The following TMEFF2 variants were observed in gnomAD, a reference collection of about 807,000 sequenced individuals.
The protein encoded by TMEFF2 is transmembrane protein with EGF like and two follistatin like domains 2, also known as tomoregulin-2.
Under a neutral mutation model 53.8 loss-of-function variants are expected in TMEFF2, and 28 were observed. The ratio of observed to expected loss-of-function variants is 0.52; its 90% CI spans 0.39 to 0.71. The LOEUF is 0.71. TMEFF2 is among the 30% of genes least tolerant of loss of function. TMEFF2 has a pLI of 0.00. For synonymous variants in TMEFF2, 162 were observed against 166.3 expected, an observed-to-expected ratio of 0.97 and a Z score of 0.20; for missense variants, 353 against 455.2, an observed-to-expected ratio of 0.78 and a Z score of 2.04.
chr2:192,023,487 A>C (rs1270422363), intron 5 of TMEFF2, among the ~76,000 whole-genome samples: 2 of 152,166 alleles, frequency 1.3e-5, no homozygotes, highest in African/African-American at 2.4e-5. Context: ...CTCCAAAAGC[A>C]ACATCAATCT....
chr2:191,992,717 T>TC (rs1686136092), intron 7 of TMEFF2: 1 of 152,220 alleles, frequency 6.6e-6, no homozygotes, highest in African/African-American at 2.4e-5. Flanking sequence ...GCAAACACTT[T>TC]CCTCTTGCTT....
intron 5 of TMEFF2, chr2:192,021,848 T>C (rs972419056): frequency 6.6e-6 from 1 of 152,122 alleles, no homozygotes; most frequent in African/African-American, 2.4e-5. Context: ...AAAAAGCAAA[T>C]ACAGGAACTA....
At chr2:191,980,770 C>A (rs1023687538) in intron 7 of TMEFF2, among the ~76,000 whole-genome samples, 1 of 151,930 alleles carries the variant, frequency 6.6e-6, no homozygotes, top group Non-Finnish European at 1.5e-5. Context: ...ATTATTTGGC[C>A]CCGAGTCCTA....
chr2:191,992,532 G>A (rs1364377585), intron 7 of TMEFF2: 4 of 151,982 alleles, frequency 2.6e-5, no homozygotes, highest in African/African-American at 9.7e-5. Flanking sequence ...TAGCTTCTTT[G>A]AGACTCAATT....
chr2:191,964,349 T>TTTCC, intron 7 of TMEFF2, among the ~76,000 whole-genome samples: 1 of 104,672 alleles, frequency 9.6e-6, no homozygotes, highest in South Asian at 3.2e-4. Context: ...TCTTTCTTTC[T>TTTCC]TTCTTTCTTT....
At chr2:191,990,019 C>T (rs1022516367) in intron 7 of TMEFF2, among the ~76,000 whole-genome samples, 1 of 152,234 alleles carries the variant, frequency 6.6e-6, no homozygotes, top group Non-Finnish European at 1.5e-5. Flanking sequence ...GGAGTACTGT[C>T]CTCCTTAATC....
At chr2:192,067,864 G>T (rs1409382053) in intron 4 of TMEFF2, among the ~76,000 whole-genome samples, 1 of 151,814 alleles carries the variant, frequency 6.6e-6, no homozygotes, top group African/African-American at 2.4e-5. Flanking sequence ...GGTAGTAGTT[G>T]AGATCTTTAT....
chr2:192,134,175 C>T (rs1472505674), intron 4 of TMEFF2, among the ~76,000 whole-genome samples: 7 of 152,262 alleles, frequency 4.6e-5, no homozygotes, highest in Admixed American at 1.3e-4. Context: ...TCACACCTGA[C>T]GCATATACTT....
At chr2:191,993,277 C>G (rs1686149085) in intron 7 of TMEFF2, among the ~76,000 whole-genome samples, 1 of 152,020 alleles carries the variant, frequency 6.6e-6, no homozygotes, top group Admixed American at 6.6e-5. Flanking sequence ...TGTCGTTTAA[C>G]TATTTCTGAT....
At chr2:192,117,299 A>T (rs910647220) in intron 4 of TMEFF2, among the ~76,000 whole-genome samples, 2 of 152,178 alleles carry the variant, frequency 1.3e-5, no homozygotes, top group Non-Finnish European at 2.9e-5. Flanking sequence ...TGATAAGTAG[A>T]CTTAAAATTA....
At chr2:191,953,980 C>T (rs906605823) in intron 8 of TMEFF2, 143 bp from the exon 9 acceptor site, 30 of 643,704 alleles carry the variant, frequency 4.7e-5, no homozygotes, top group Middle Eastern at 4.9e-4. Context: ...GTTCCGCCTC[C>T]GGGTTCACGC....
intron 5 of TMEFF2, chr2:192,029,044 AAC>A (rs1303318444): frequency 6.6e-6 from 1 of 152,148 alleles, no homozygotes; most frequent in Non-Finnish European, 1.5e-5. Context: ...CCCCACAAAT[AAC>A]AGGCCACAAT....
At chr2:191,988,833 A>G (rs1438051353) in intron 7 of TMEFF2, among the ~76,000 whole-genome samples, 1 of 151,996 alleles carries the variant, frequency 6.6e-6, no homozygotes, top group East Asian at 1.9e-4. Flanking sequence ...TGTGAAATAT[A>G]TTTTACAGGA....
intron 4 of TMEFF2, among the ~76,000 whole-genome samples, chr2:192,134,788 T>C (rs900327817): frequency 6.6e-6 from 1 of 152,140 alleles, no homozygotes; most frequent in Admixed American, 6.5e-5. Context: ...CTGTCAGACA[T>C]AATTCCTCAG....
intron 5 of TMEFF2, among the ~76,000 whole-genome samples, chr2:192,055,564 G>C (rs928042778): frequency 4.0e-5 from 6 of 151,732 alleles, no homozygotes; most frequent in Non-Finnish European, 8.8e-5. Context: ...CACCTGAGGT[G>C]AGGAGTTTGA....
intron 5 of TMEFF2, among the ~76,000 whole-genome samples, chr2:192,030,950 G>T (rs1687118074): frequency 6.6e-6 from 1 of 152,084 alleles, no homozygotes; most frequent in African/African-American, 2.4e-5. Flanking sequence ...GGTTAAATTG[G>T]GACATACAGA....
At chr2:192,119,679 A>G (rs959784802) in intron 4 of TMEFF2, among the ~76,000 whole-genome samples, 7 of 152,170 alleles carry the variant, frequency 4.6e-5, no homozygotes, top group African/African-American at 1.4e-4. Context: ...CTGTGTGAGA[A>G]TGGAGGTTTC....
intron 7 of TMEFF2, among the ~76,000 whole-genome samples, chr2:191,985,709 A>G (rs1328267990): frequency 6.6e-6 from 1 of 152,210 alleles, no homozygotes; most frequent in Non-Finnish European, 1.5e-5. Flanking sequence ...TTGTTTCAAT[A>G]CTACAGTAAT....
intron 4 of TMEFF2, among the ~76,000 whole-genome samples, chr2:192,079,891 A>G (rs1407772793): frequency 2.0e-5 from 3 of 152,346 alleles, no homozygotes; most frequent in Non-Finnish European, 2.9e-5. Flanking sequence ...ATGATACATG[A>G]TAAGTATAAA....
Sources: allele counts gnomAD v4.1 joint callset (sites outside exome capture counted in the v4.1 genomes callset), GRCh38; gene constraint gnomAD v4.1.1; transcripts MANE v1.5; gene names NCBI Gene and HGNC (gene_info 2026-07-23, HGNC 2026-07-21).